FOXO1: variants seen among roughly 807,000 people sequenced by gnomAD.
FOXO1 encodes the protein forkhead box O1, also known as forkhead box protein O1.
In FOXO1, 6 loss-of-function variants were observed where a neutral mutation model predicts 44.1. The observed-to-expected ratio is 0.14, with a 90% CI of 0.07 to 0.27. The LOEUF (loss-of-function observed/expected upper bound fraction) is 0.27, where lower values mean the gene tolerates loss of function less well. FOXO1 is among the 10% of genes least tolerant of loss of function. The pLI, the probability that FOXO1 is intolerant of heterozygous loss-of-function variation, is 1.00. For missense variants in FOXO1, 737 were observed against 888.8 expected (o/e 0.83, Z 2.17); for synonymous variants, 380 against 362.7 (o/e 1.05, Z -0.54).
intron 1 of FOXO1, among the ~76,000 whole-genome samples, chr13:40,664,339 T>C (rs1470447376): frequency 6.6e-6 from 1 of 151,988 alleles, no homozygotes; most frequent in Non-Finnish European, 1.5e-5. Flanking sequence ...CCGGTGACAG[T>C]GAGAAACTGT....
chr13:40,573,058 A>C (rs1426259221), intron 1 of FOXO1, among the ~76,000 whole-genome samples: 1 of 152,202 alleles, frequency 6.6e-6, no homozygotes, highest in Non-Finnish European at 1.5e-5. Flanking sequence ...CCCACACTAA[A>C]GCCACACATC....
At chr13:40,586,275 T>G (rs778677396) in intron 1 of FOXO1, among the ~76,000 whole-genome samples, 7 of 152,202 alleles carry the variant, frequency 4.6e-5, no homozygotes, top group Non-Finnish European at 1.0e-4. Flanking sequence ...TACTGTAAAA[T>G]GGATTTCTCA....
chr13:40,561,707 A>C (rs1329898925), intron 1 of FOXO1, among the ~76,000 whole-genome samples: 1 of 152,150 alleles, frequency 6.6e-6, no homozygotes, highest in Non-Finnish European at 1.5e-5. Context: ...GGTGGTTCAC[A>C]CCTATAATCC....
chr13:40,639,260 G>A (rs1179222813), intron 1 of FOXO1, among the ~76,000 whole-genome samples: 1 of 152,050 alleles, frequency 6.6e-6, no homozygotes, highest in Non-Finnish European at 1.5e-5. Flanking sequence ...ATATGGAGAA[G>A]GTTCAAGAGC....
intron 1 of FOXO1, among the ~76,000 whole-genome samples, chr13:40,645,997 G>A (rs929440969): frequency 6.6e-5 from 10 of 151,274 alleles, no homozygotes; most frequent in African/African-American, 2.4e-4. Flanking sequence ...AACCCAAGAG[G>A]CAGAGGTTGT....
intron 1 of FOXO1, among the ~76,000 whole-genome samples, chr13:40,652,619 C>A (rs1430404903): frequency 6.6e-6 from 1 of 152,150 alleles, no homozygotes; most frequent in African/African-American, 2.4e-5. Context: ...ACTGAACATG[C>A]CTATCTTGAT....
intron 1 of FOXO1, among the ~76,000 whole-genome samples, chr13:40,596,826 G>A (rs917192120): frequency 6.6e-6 from 1 of 152,176 alleles, no homozygotes; most frequent in African/African-American, 2.4e-5. Context: ...ATACTGAAAA[G>A]AAAGACCGTA....
At chr13:40,652,586 A>G (rs925959306) in intron 1 of FOXO1, among the ~76,000 whole-genome samples, 1 of 152,150 alleles carries the variant, frequency 6.6e-6, no homozygotes, top group Non-Finnish European at 1.5e-5. Context: ...AAGGCACATC[A>G]TCTCTGATAC....
At chr13:40,570,205 G>A (rs1473370123) in intron 1 of FOXO1, among the ~76,000 whole-genome samples, 1 of 151,924 alleles carries the variant, frequency 6.6e-6, no homozygotes, top group Non-Finnish European at 1.5e-5. Context: ...AGCTACTTGG[G>A]AGGCTGAGGC....
chr13:40,644,258 A>G (rs968069141), intron 1 of FOXO1, among the ~76,000 whole-genome samples: 8 of 152,198 alleles, frequency 5.3e-5, no homozygotes, highest in Admixed American at 2.0e-4. Flanking sequence ...AAACTGAGAC[A>G]AAGGAAATTG....
At chr13:40,579,633 G>A (rs549628947) in intron 1 of FOXO1, among the ~76,000 whole-genome samples, 8 of 152,168 alleles carry the variant, frequency 5.3e-5, no homozygotes, top group East Asian at 3.9e-4. Context: ...GGGCGGGGGC[G>A]GTACAATCCT....
intron 1 of FOXO1, among the ~76,000 whole-genome samples, chr13:40,572,802 A>G (rs1247155089): frequency 6.6e-6 from 1 of 152,142 alleles, no homozygotes; most frequent in Non-Finnish European, 1.5e-5. Flanking sequence ...CCACCTGAGG[A>G]GGCAGAGCAC....
At chr13:40,619,363 A>C (rs1278073670) in intron 1 of FOXO1, 3 of 624,308 alleles carry the variant, frequency 4.8e-6, no homozygotes, top group Non-Finnish European at 8.6e-6. Context: ...AGAAAGTTCA[A>C]ATGAATATTC....
At chr13:40,615,016 A>G (rs1259929994) in intron 1 of FOXO1, among the ~76,000 whole-genome samples, 1 of 152,196 alleles carries the variant, frequency 6.6e-6, no homozygotes, top group East Asian at 1.9e-4. Context: ...CGAAGTTCCC[A>G]ATGATCACTC....
At chr13:40,625,860 A>ATAGT (rs1344418038) in intron 1 of FOXO1, among the ~76,000 whole-genome samples, 3 of 152,236 alleles carry the variant, frequency 2.0e-5, no homozygotes, top group African/African-American at 4.8e-5. Flanking sequence ...CCAAGGCAGT[A>ATAGT]TAGTTTATCA....
chr13:40,624,720 T>C (rs1173475637), intron 1 of FOXO1, among the ~76,000 whole-genome samples: 3 of 152,160 alleles, frequency 2.0e-5, no homozygotes, highest in African/African-American at 7.2e-5. Flanking sequence ...GTATATGGAA[T>C]CAACCACTCC....
At chr13:40,639,351 C>A (rs773643764) in intron 1 of FOXO1, among the ~76,000 whole-genome samples, 2 of 152,052 alleles carry the variant, frequency 1.3e-5, no homozygotes, top group Non-Finnish European at 2.9e-5. Context: ...ACAGTCTAAC[C>A]CTGCTTGGCC....
chr13:40,587,664 T>C (rs979788659), intron 1 of FOXO1, among the ~76,000 whole-genome samples: 3 of 152,226 alleles, frequency 2.0e-5, no homozygotes, highest in African/African-American at 7.2e-5. Flanking sequence ...TCTTTGTTGC[T>C]TCTTCCACAT....
At chr13:40,601,499 C>T (rs1008098653) in intron 1 of FOXO1, among the ~76,000 whole-genome samples, 4 of 152,180 alleles carry the variant, frequency 2.6e-5, no homozygotes, top group African/African-American at 4.8e-5. Context: ...TGACTCTTCC[C>T]TATTTTTCAA....
Sources: gnomAD v4.1 joint callset for allele counts (sites outside exome capture counted in the v4.1 genomes callset) on GRCh38, gnomAD v4.1.1 for gene constraint, MANE v1.5 for transcripts, NCBI Gene and HGNC (gene_info 2026-07-23, HGNC 2026-07-21) for gene names.